Variants in MACF1 observed in about 807,000 individuals in gnomAD.
MACF1 encodes the protein microtubule-actin cross-linking factor 1.
A neutral mutation model predicts 854.8 loss-of-function variants in MACF1; 193 were observed. The observed-to-expected ratio is 0.23, with a 90% CI of 0.20 to 0.25. The LOEUF (loss-of-function observed/expected upper bound fraction) is 0.25. Among genes scored for constraint, MACF1 ranks in the 10% least tolerant of loss-of-function variants. The pLI is 1.00. For synonymous variants in MACF1, 3,185 were observed against 3,226.7 expected (o/e 0.99, Z 0.44); for missense variants, 7,722 against 8,929.1 (o/e 0.86, Z 5.45).
At chr1:39,330,398 T>C (rs1646697808) in intron 36 of MACF1, among the ~76,000 whole-genome samples, 1 of 152,202 alleles carries the variant, frequency 6.6e-6, no homozygotes, top group Non-Finnish European at 1.5e-5. Context: ...AAATCTCTCT[T>C]ATTCTATGGA....
At chr1:39,195,948 G>A (rs1372774957) in intron 2 of MACF1, among the ~76,000 whole-genome samples, 2 of 152,182 alleles carry the variant, frequency 1.3e-5, no homozygotes, top group Non-Finnish European at 2.9e-5. Flanking sequence ...GTTTCGTACA[G>A]TCTGAGCAAT....
intron 2 of MACF1, among the ~76,000 whole-genome samples, chr1:39,122,978 G>A (rs1383388823): frequency 1.3e-5 from 2 of 152,162 alleles, no homozygotes; most frequent in Middle Eastern, 3.4e-3. Context: ...GGGGAGAGGA[G>A]GGAATAGCAA....
chr1:39,407,704 C>CT (rs1320580320), intron 58 of MACF1, among the ~76,000 whole-genome samples: 1 of 152,240 alleles, frequency 6.6e-6, no homozygotes, highest in Non-Finnish European at 1.5e-5. Flanking sequence ...CTAAGTAAGC[C>CT]TAAGGCTCAG....
At chr1:39,311,752 G>C (rs1557580957) in intron 26 of MACF1, among the ~76,000 whole-genome samples, 1 of 152,218 alleles carries the variant, frequency 6.6e-6, no homozygotes, top group Non-Finnish European at 1.5e-5. Context: ...ATAGTAACTA[G>C]TGTATTTCCA....
intron 2 of MACF1, among the ~76,000 whole-genome samples, chr1:39,099,861 A>G (rs968131080): frequency 1.3e-5 from 2 of 152,232 alleles, no homozygotes; most frequent in Non-Finnish European, 2.9e-5. Context: ...TGATACAGAC[A>G]TCCACAGTAC....
At chr1:39,287,656 C>A in intron 15 of MACF1, 94 bp downstream of exon 15, 2 of 1,311,662 alleles carry the variant, frequency 1.5e-6, no homozygotes, top group Non-Finnish European at 2.1e-6. Context: ...GTTCCCTGTG[C>A]AGATTCCCTT....
chr1:39,363,604 C>CTTTCTTTT (rs771066867), intron 49 of MACF1, among the ~76,000 whole-genome samples: 24 of 136,080 alleles, frequency 1.8e-4, no homozygotes, highest in African/African-American at 6.7e-4. Flanking sequence ...TTCTTTCTTT[C>CTTTCTTTT]TTTTTTTTTT....
chr1:39,091,755 C>G lies in MACF1; in HGVS notation c.220+7317C>G, dbSNP rs529097049. 9.8e-5 allele frequency among the ~76,000 whole-genome samples: 15 copies of G among 152,296 alleles called. No individual in the cohort carries two copies. The South Asian group carries it at 3.1e-3, about 32-fold the overall frequency. On this transcript the variant is annotated intron_variant, in intron 2 of 93. Coordinates refer to the MACF1 transcript ENST00000361689. ...GACCTCGTGATCCACCTGCTTTGGC[C>G]TCCCAAAGTGCTGGGATTACAGCCA...
chr1:39,457,197 A>G (rs182951946), intron 89 of MACF1: 1 of 152,312 alleles, frequency 6.6e-6, no homozygotes, highest in East Asian at 1.9e-4. Flanking sequence ...TAAAATTTCC[A>G]CTTTATCTTT....
At position 39,353,734 on chromosome 1, in the gene MACF1, T is replaced by C. The variant is rs368153144; in HGVS notation, c.11424+503T>C. 4.0e-4 allele frequency among the ~76,000 whole-genome samples: 61 copies of C among 152,312 alleles called. 2 individuals carry two copies. In the South Asian group the frequency reaches 0.012, roughly 31 times the overall value. On this transcript the variant is annotated intron_variant, in intron 44 of 100. Coordinates refer to ENST00000564288, the MANE Select transcript of MACF1 (RefSeq NM_001394062.1). ...ACTCCTCCCACAATTAAACATTCTC[T>C]TTCCTTTATTCCCACTTCATTGTCT...
rs1437883189 is a variant in MACF1 at position 39,442,218 on chromosome 1, A to G, written c.18846A>G (p.Leu6282=). Residue 6282 remains leucine, a synonymous_variant, in exon 76 of 101, where the codon TTA becomes TTG. Coordinates refer to ENST00000564288, the MANE Select transcript of MACF1 (RefSeq NM_001394062.1). ...EKLNHQGELM[L]KKATDETDRD... ...TTAATCACCAGGGTGAACTGATGTT[A>G]AAGAAAGCTACTGATGAGACGGACA... 1 of 1,609,688 alleles carries G rather than the reference A, an allele frequency of 6.2e-7. No individual in the cohort carries two copies. Among genetic ancestry groups the G allele is most frequent in the Non-Finnish European group, 8.5e-7 (1 of 1,178,740 alleles).
intron 58 of MACF1, among the ~76,000 whole-genome samples, chr1:39,405,791 A>AG (rs1444102986): frequency 1.3e-5 from 2 of 152,184 alleles, no homozygotes; most frequent in Non-Finnish European, 2.9e-5. Context: ...TTGTGGTTAC[A>AG]GGGGTGGGGG....
intron 60 of MACF1, among the ~76,000 whole-genome samples, chr1:39,423,804 A>T (rs1643634812): frequency 6.6e-6 from 1 of 152,020 alleles, no homozygotes; most frequent in Admixed American, 6.6e-5. Context: ...TGTTAGTCAC[A>T]TAATGACAGT....
At chr1:39,315,086 T>C (rs1359754088) in intron 26 of MACF1, among the ~76,000 whole-genome samples, 1 of 152,182 alleles carries the variant, frequency 6.6e-6, no homozygotes, top group Non-Finnish European at 1.5e-5. Context: ...CAAAAAGAAG[T>C]GTATTCCCCT....
rs186069711 is a variant in MACF1, at chr1:39,441,496, C to T, written c.18672+171C>T. On this transcript the variant is annotated intron_variant, in intron 74 of 100. Transcript: ENST00000564288. ...TCCCCACTTGTAGTGAAAAAAGTAG[C>T]GACATCTGTCTGAATTCTTACTCTT... Among the ~76,000 whole-genome samples, 209 of 152,288 alleles carry T rather than the reference C, an allele frequency of 1.4e-3. 1 individual carries two copies. The highest frequency in any genetic ancestry group is 4.8e-3 in the Admixed American group (73 of 15,300).
Position 39,381,063 on chromosome 1 carries a change from A to T in MACF1, c.13648+690A>T, listed in dbSNP as rs371007627. ...TAGATGAATTTTTTTTAATTTAATT[A>T]AATTTTTTTTTTGAGATGGAGTTTG... On this transcript the variant is annotated intron_variant, in intron 55 of 100. Transcript: ENST00000564288. Among the ~76,000 whole-genome samples, 17 of 152,200 alleles carry T rather than the reference A, an allele frequency of 1.1e-4. No individual in the cohort carries two copies. In the East Asian group the frequency reaches 1.3e-3, roughly 12 times the overall value.
At chr1:39,254,524 TG>T in intron 5 of MACF1, 149 bp downstream of exon 5, 1 of 659,218 alleles carries the variant, frequency 1.5e-6, no homozygotes, top group Non-Finnish European at 2.7e-6. Context: ...AGTGAGCAAT[TG>T]TATTCTGGTT....
chr1:39,376,931 C>G (rs1649775122), intron 52 of MACF1, among the ~76,000 whole-genome samples: 1 of 151,812 alleles, frequency 6.6e-6, no homozygotes, highest in Non-Finnish European at 1.5e-5. Flanking sequence ...CTCGTGTTGC[C>G]TAGGCTGGTC....
At chr1:39,476,254 C>G (rs1257794001) in intron 97 of MACF1, among the ~76,000 whole-genome samples, 1 of 152,178 alleles carries the variant, frequency 6.6e-6, no homozygotes, top group Non-Finnish European at 1.5e-5. Context: ...TGCATCCTTT[C>G]TCCCCAGAAA....
Sources: allele counts gnomAD v4.1 joint callset (sites outside exome capture counted in the v4.1 genomes callset), GRCh38; gene constraint gnomAD v4.1.1; transcripts MANE v1.5; gene names NCBI Gene and HGNC (gene_info 2026-07-23, HGNC 2026-07-21).